The following COG5 variants were observed in gnomAD, a reference collection of about 807,000 sequenced individuals.
COG5 encodes the protein conserved oligomeric Golgi complex subunit 5.
In COG5, 86 loss-of-function variants were observed where a neutral mutation model predicts 110.4. The observed-to-expected ratio is 0.78, with a 90% confidence interval of 0.65 to 0.93. The LOEUF (loss-of-function observed/expected upper bound fraction) is 0.93, where lower values mean the gene tolerates loss of function less well. Ranked by LOEUF, COG5 falls within the 40% of genes least tolerant of loss-of-function variation. The probability of loss-of-function intolerance (pLI) is 0.00; values close to 1 mark genes in which losing one functional copy is unlikely to be tolerated. For synonymous variants in COG5, 360 were observed against 334.6 expected, an observed-to-expected ratio of 1.08 and a Z score of -0.83; for missense variants, 1,077 against 987.0, an observed-to-expected ratio of 1.09 and a Z score of -1.22.
At chr7:107,256,076 T>C (rs1217962445) in intron 16 of COG5, among the ~76,000 whole-genome samples, 1 of 152,198 alleles carries the variant, frequency 6.6e-6, no homozygotes, top group African/African-American at 2.4e-5. Context: ...TTAAAAGAGA[T>C]ACTGTCAACT....
intron 6 of COG5, among the ~76,000 whole-genome samples, chr7:107,501,658 A>G (rs1224238129): frequency 2.0e-5 from 3 of 152,132 alleles, no homozygotes; most frequent in African/African-American, 4.8e-5. Flanking sequence ...ATTAACTTCA[A>G]TTAGTTTTAA....
intron 10 of COG5, among the ~76,000 whole-genome samples, chr7:107,344,990 G>A (rs1811474579): frequency 6.6e-6 from 1 of 152,110 alleles, no homozygotes; most frequent in Non-Finnish European, 1.5e-5. Context: ...CTCATTTCTA[G>A]CTTTTGATTT....
At chr7:107,548,367 T>C (rs763410205) in intron 3 of COG5, 35 bp from the exon 4 acceptor site, 2 of 1,583,450 alleles carry the variant, frequency 1.3e-6, no homozygotes. Flanking sequence ...GCTTTACAAA[T>C]TTACAGGGCA....
intron 21 of COG5, among the ~76,000 whole-genome samples, chr7:107,207,349 AT>A (rs1798859173): frequency 1.3e-5 from 2 of 152,160 alleles, no homozygotes; most frequent in African/African-American, 4.8e-5. Context: ...AGCTGAGGGA[AT>A]GGCTTCCAGA....
chr7:107,223,854 C>T (rs1352594890), intron 19 of COG5, among the ~76,000 whole-genome samples: 1 of 152,156 alleles, frequency 6.6e-6, no homozygotes, highest in African/African-American at 2.4e-5. Context: ...TCATACCTAA[C>T]TTTTAAGTGC....
chr7:107,402,021 T>G (rs1296938676), intron 7 of COG5, among the ~76,000 whole-genome samples: 2 of 152,226 alleles, frequency 1.3e-5, no homozygotes, highest in Admixed American at 1.3e-4. Context: ...TTCAGAATTT[T>G]TAACTGCAAA....
chr7:107,285,422 C>T (rs1218417694), intron 12 of COG5, among the ~76,000 whole-genome samples: 3 of 152,156 alleles, frequency 2.0e-5, no homozygotes, highest in Non-Finnish European at 4.4e-5. Context: ...CCAAATCTAC[C>T]GTTAAAGATC....
At chr7:107,459,584 C>A (rs997354190) in intron 6 of COG5, among the ~76,000 whole-genome samples, 2 of 151,858 alleles carry the variant, frequency 1.3e-5, no homozygotes, top group Admixed American at 1.3e-4. Context: ...ATCCTTGAGA[C>A]CAGCAGTTTA....
chr7:107,245,881 G>C (rs1367419770), intron 17 of COG5, among the ~76,000 whole-genome samples: 7 of 151,960 alleles, frequency 4.6e-5, no homozygotes, highest in Non-Finnish European at 8.8e-5. Context: ...ATTCAGATGG[G>C]ACCAAAAAAG....
At chr7:107,344,230 T>C (rs1459775864) in intron 10 of COG5, among the ~76,000 whole-genome samples, 1 of 152,216 alleles carries the variant, frequency 6.6e-6, no homozygotes, top group Non-Finnish European at 1.5e-5. Context: ...TCATTGATGA[T>C]TTTAGCTAGA....
At chr7:107,536,109 A>C (rs1171135912) in intron 5 of COG5, among the ~76,000 whole-genome samples, 1 of 152,238 alleles carries the variant, frequency 6.6e-6, no homozygotes, top group Admixed American at 6.5e-5. Context: ...ACAGCCCTTC[A>C]TGCTAAAAAC....
Position 107,539,057 on chromosome 7 carries a change from C to G in COG5, c.417+9054G>C, listed in dbSNP as rs372645544. On this transcript the variant is annotated intron_variant, in intron 5 of 21. Transcript: ENST00000297135. The stretch of plus-strand genomic sequence containing the variant: ...CTTTGGGAGGCTGAGGAAGATGGAT[C>G]ACTTGAGTCCAGAAGTTTGAGACAA... Among the ~76,000 whole-genome samples, 26 of 152,144 alleles carry G rather than the reference C, an allele frequency of 1.7e-4. No homozygotes were observed. The East Asian group carries it at 3.1e-3, about 18-fold the overall frequency.
At chr7:107,419,455 A>G (rs1375567629) in intron 6 of COG5, among the ~76,000 whole-genome samples, 1 of 152,006 alleles carries the variant, frequency 6.6e-6, no homozygotes, top group Admixed American at 6.6e-5. Flanking sequence ...CCAATTATCT[A>G]TTTTTTTCTA....
At position 107,203,474 on chromosome 7, in the gene COG5, A is replaced by G; in HGVS notation, c.*42T>C. Reference sequence around the variant, plus strand: ...GTATGTGTTTAACTGCCAACTATGAATGGGTTAGCACAAAGTGGAGATGAA... The same window carrying G: ...GTATGTGTTTAACTGCCAACTATGAGTGGGTTAGCACAAAGTGGAGATGAA... On this transcript the variant is annotated 3_prime_UTR_variant, in exon 22 of 22. Coordinates refer to ENST00000297135, the MANE Select transcript of COG5 (RefSeq NM_006348.5). 7.5e-7 allele frequency: 1 copy of G among 1,337,306 alleles called. No individual in the cohort carries two copies. Among genetic ancestry groups the G allele is most frequent in the Middle Eastern group, 1.8e-4 (1 of 5,512 alleles). The allele number at this position is 1,337,306 out of a possible 1,614,324, so 82.8% of individuals were successfully genotyped here.
intron 17 of COG5, among the ~76,000 whole-genome samples, chr7:107,238,770 A>G (rs188515344): frequency 2.0e-5 from 3 of 152,140 alleles, no homozygotes; most frequent in Non-Finnish European, 2.9e-5. Context: ...GTTTTTTCAC[A>G]TATCTACTGG....
At chr7:107,280,376 C>T (rs778891762) in intron 14 of COG5, among the ~76,000 whole-genome samples, 13 of 152,146 alleles carry the variant, frequency 8.5e-5, no homozygotes, top group Admixed American at 2.0e-4. Flanking sequence ...CTGTTACCTC[C>T]AAGGATCATT....
chr7:107,314,227 T>A (rs1808529262), intron 11 of COG5, among the ~76,000 whole-genome samples: 1 of 152,018 alleles, frequency 6.6e-6, no homozygotes, highest in African/African-American at 2.4e-5. Context: ...GTGGAAAAAA[T>A]TCCATTAGAA....
chr7:107,326,334 G>C (rs141067269), intron 10 of COG5, among the ~76,000 whole-genome samples: 2 of 151,992 alleles, frequency 1.3e-5, no homozygotes, highest in African/African-American at 4.8e-5. Context: ...GAAATAAAAA[G>C]CATCCAAATT....
intron 6 of COG5, among the ~76,000 whole-genome samples, chr7:107,518,411 AC>A: frequency 6.6e-6 from 1 of 152,306 alleles, no homozygotes; most frequent in South Asian, 2.1e-4. Flanking sequence ...TATTCAGGAG[AC>A]CCATCTCACG....
Sources: allele counts gnomAD v4.1 joint callset (sites outside exome capture counted in the v4.1 genomes callset), GRCh38; gene constraint gnomAD v4.1.1; transcripts MANE v1.5; gene names NCBI Gene and HGNC (gene_info 2026-07-23, HGNC 2026-07-21).